ROBO2: variants seen among roughly 807,000 people sequenced by gnomAD.
ROBO2 encodes roundabout homolog 2.
Under a neutral mutation model 160.8 loss-of-function variants are expected in ROBO2, and 53 were observed. That is an observed-to-expected ratio of 0.33 (90% CI 0.26 to 0.41). The LOEUF (loss-of-function observed/expected upper bound fraction) is 0.41. Ranked by LOEUF, ROBO2 falls within the 10% of genes least tolerant of loss-of-function variation. The pLI is 1.00. For missense variants in ROBO2, 1,577 were observed against 1,722.4 expected (o/e 0.92, Z 1.49); for synonymous variants, 664 against 611.7 (o/e 1.09, Z -1.26).
At chr3:76,948,275 T>C (rs2078695091) in intron 2 of ROBO2, among the ~76,000 whole-genome samples, 1 of 152,162 alleles carries the variant, frequency 6.6e-6, no homozygotes, top group African/African-American at 2.4e-5. Flanking sequence ...TATGAATTTG[T>C]TTTTAGTTTT....
intron 1 of ROBO2, among the ~76,000 whole-genome samples, chr3:77,077,015 C>T (rs2149888545): frequency 6.6e-6 from 1 of 152,266 alleles, no homozygotes; most frequent in African/African-American, 2.4e-5. Context: ...GTGCTGTCTC[C>T]TGAGCTAAGT....
intron 2 of ROBO2, among the ~76,000 whole-genome samples, chr3:76,803,826 TAAAC>T (rs1201175513): frequency 6.6e-6 from 1 of 152,160 alleles, no homozygotes; most frequent in African/African-American, 2.4e-5. Flanking sequence ...GGGAATATGA[TAAAC>T]AGAGAAGGCG....
intron 2 of ROBO2, among the ~76,000 whole-genome samples, chr3:76,836,088 C>G (rs1439576445): frequency 1.3e-5 from 2 of 151,966 alleles, no homozygotes; most frequent in Non-Finnish European, 2.9e-5. Context: ...TATTTGATTA[C>G]TATTTAGTTG....
intron 1 of ROBO2, among the ~76,000 whole-genome samples, chr3:77,080,761 G>A (rs2068570302): frequency 6.6e-6 from 1 of 152,110 alleles, no homozygotes; most frequent in Non-Finnish European, 1.5e-5. Flanking sequence ...ACTGCCTGTG[G>A]TATGAATGCA....
chr3:76,688,132 G>A, intron 2 of ROBO2, among the ~76,000 whole-genome samples: 1 of 151,930 alleles, frequency 6.6e-6, no homozygotes, highest in Non-Finnish European at 1.5e-5. Context: ...CATATTAAGG[G>A]AACATATTAT....
chr3:77,617,422 A>C, intron 21 of ROBO2, 91 bp from the exon 23 acceptor site: 1 of 1,401,994 alleles, frequency 7.1e-7, no homozygotes, highest in Non-Finnish European at 1.0e-6. Context: ...TTCAGATACC[A>C]TGTGGTTGCT....
At chr3:76,558,912 T>G (rs146791339) in intron 2 of ROBO2, among the ~76,000 whole-genome samples, 180 of 152,290 alleles carry the variant, frequency 1.2e-3, no homozygotes, top group South Asian at 1.9e-3. Context: ...AATAAACATT[T>G]ATTTTGGTAT....
At chr3:76,985,934 T>G (rs2149349143) in intron 2 of ROBO2, among the ~76,000 whole-genome samples, 1 of 152,320 alleles carries the variant, frequency 6.6e-6, no homozygotes, top group East Asian at 1.9e-4. Flanking sequence ...CATTTGTAAC[T>G]TTTACTTCCC....
chr3:76,283,119 T>G (rs1211167962), intron 2 of ROBO2, among the ~76,000 whole-genome samples: 2 of 132,810 alleles, frequency 1.5e-5, no homozygotes, highest in African/African-American at 5.5e-5. Flanking sequence ...TAGTTATATA[T>G]GTATATATAT....
At chr3:77,245,538 T>C (rs1271290842) in intron 2 of ROBO2, among the ~76,000 whole-genome samples, 4 of 152,212 alleles carry the variant, frequency 2.6e-5, no homozygotes. Flanking sequence ...TGGAAGGTAA[T>C]AACTTCTTTA....
chr3:77,317,494 A>T lies in ROBO2; in HGVS notation c.389-159920A>T, dbSNP rs568802344. On this transcript the variant is annotated intron_variant, in intron 2 of 25. Transcript: ENST00000461745. The stretch of plus-strand genomic sequence containing the variant: ...GCTGAGCCTGAGCTTGTAAACTCCG[A>T]TCCATCCTCAGATTTCGTTTTCAAA... 659 of 1,491,168 alleles carry T rather than the reference A, an allele frequency of 4.4e-4. 7 individuals are homozygous for T. In the South Asian group the frequency reaches 7.2e-3, roughly 16 times the overall value. The allele number at this position is 1,491,168 out of a possible 1,614,324, so 92.4% of individuals were successfully genotyped here.
chr3:77,580,463 A>G (rs1479550160), intron 16 of ROBO2, among the ~76,000 whole-genome samples: 1 of 152,194 alleles, frequency 6.6e-6, no homozygotes, highest in Non-Finnish European at 1.5e-5. Flanking sequence ...ATCATGTTTC[A>G]AATCTGTATG....
At chr3:76,107,168 G>A (rs2069976381) in intron 2 of ROBO2, among the ~76,000 whole-genome samples, 1 of 152,060 alleles carries the variant, frequency 6.6e-6, no homozygotes, top group African/African-American at 2.4e-5. Context: ...GAAACTGGCA[G>A]GTATTTGTTC....
At chr3:76,283,167 T>TATATATATA (rs1576253117) in intron 2 of ROBO2, among the ~76,000 whole-genome samples, 1 of 141,422 alleles carries the variant, frequency 7.1e-6, no homozygotes, top group African/African-American at 2.6e-5. Context: ...TACATATATA[T>TATATATATA]AGTGACCCCT....
chr3:77,419,201 G>A (rs1263439638), intron 2 of ROBO2, among the ~76,000 whole-genome samples: 8 of 152,010 alleles, frequency 5.3e-5, no homozygotes, highest in Admixed American at 1.3e-4. Context: ...TCCTATCATA[G>A]AAAACGTTAA....
At chr3:76,364,086 C>T (rs926373660) in intron 2 of ROBO2, among the ~76,000 whole-genome samples, 2 of 152,054 alleles carry the variant, frequency 1.3e-5, no homozygotes, top group Non-Finnish European at 2.9e-5. Flanking sequence ...CCACTGCCTC[C>T]GTCACATTAT....
chr3:76,765,582 C>G (rs1447246386), intron 2 of ROBO2, among the ~76,000 whole-genome samples: 1 of 151,644 alleles, frequency 6.6e-6, no homozygotes, highest in Non-Finnish European at 1.5e-5. Context: ...TTGGCACACT[C>G]ACTGTGGAGG....
chr3:75,923,277 T>C (rs1431466481), intron 1 of ROBO2, among the ~76,000 whole-genome samples: 1 of 152,208 alleles, frequency 6.6e-6, no homozygotes, highest in African/African-American at 2.4e-5. Flanking sequence ...TTTATTGTGA[T>C]AGATGAGATG....
intron 2 of ROBO2, among the ~76,000 whole-genome samples, chr3:76,693,193 A>ATC (rs1285509705): frequency 6.7e-6 from 1 of 148,970 alleles, no homozygotes. Context: ...TATATAGTGT[A>ATC]TATATATAGT....
Sources: gnomAD v4.1 joint callset for allele counts (sites outside exome capture counted in the v4.1 genomes callset) on GRCh38, gnomAD v4.1.1 for gene constraint, MANE v1.5 for transcripts, NCBI Gene and HGNC (gene_info 2026-07-23, HGNC 2026-07-21) for gene names.